Variants in CXCL16 observed in about 807,000 individuals in gnomAD.
CXCL16 encodes the protein C-X-C motif chemokine 16.
In CXCL16, 18 loss-of-function variants were observed where a neutral mutation model predicts 23.8. That is an observed-to-expected ratio of 0.76 (90% CI 0.52 to 1.12). The LOEUF (loss-of-function observed/expected upper bound fraction) is 1.12, where lower values mean the gene tolerates loss of function less well. CXCL16 is among the 50% of genes most tolerant of loss of function. CXCL16 has a pLI of 0.00. For missense variants in CXCL16, 297 were observed against 315.4 expected (o/e 0.94, Z 0.44); for synonymous variants, 123 against 132.5 (o/e 0.93, Z 0.49).
Position 4,739,762 on chromosome 17 carries a change from G to C in CXCL16, c.-423C>G. 9.4e-7 allele frequency: 1 copy of C among 1,062,254 alleles called. No homozygotes were observed. The highest frequency in any genetic ancestry group is 1.1e-6 in the Non-Finnish European group (1 of 873,498). 65.8% of individuals were successfully genotyped at this position (1,062,254 alleles called of 1,614,324 possible). A position where few individuals can be genotyped will look rare whatever the true frequency, so the allele number is the denominator to read the frequency against. On this transcript the variant is annotated 5_prime_UTR_variant, in exon 1 of 6. Coordinates refer to ENST00000293778, the MANE Select transcript of CXCL16 (RefSeq NM_001386809.1). The surrounding 1 kb of genome is among the most constrained non-coding windows in gnomAD (Gnocchi z 5.3). ...TGGCCCGTCCGCCGACCTGTGAGGC[G>C]GCTGCACTGCCGGACCGGCCCTCCT...
chr17:4,739,101 C>T lies in CXCL16; in HGVS notation c.79+160G>A. 1.7e-6 allele frequency: 2 copies of T among 1,183,438 alleles called. No individual in the cohort carries two copies. The highest frequency in any genetic ancestry group is 2.4e-6 in the Non-Finnish European group (2 of 850,506). 73.3% of individuals were successfully genotyped at this position (1,183,438 alleles called of 1,614,324 possible). A position where few individuals can be genotyped will look rare whatever the true frequency, so the allele number is the denominator to read the frequency against. ...ATCCATAATCCCGCCCGGAGCCAGG[C>T]GTCCCCGGGCCTCTGTCCCCAACCC... On this transcript the variant is annotated intron_variant, in intron 1 of 5. Transcript: ENST00000293778. The surrounding 1 kb of genome is among the most constrained non-coding windows in gnomAD (Gnocchi z 5.3).
intron 3 of CXCL16, among the ~76,000 whole-genome samples, chr17:4,737,575 T>TAAAAAAAAAAAAAAA (rs55694753): frequency 2.4e-5 from 1 of 42,038 alleles, no homozygotes; most frequent in Non-Finnish European, 4.4e-5. Flanking sequence ...AAGACTCCAT[T>TAAAAAAAAAAAAAAA]AAAAAAAAAA....
Position 4,739,018 on chromosome 17 carries a change from G to T in CXCL16, c.80-98C>A. Reference sequence around the variant, plus strand: ...ATCCACAGCCCCATGACAGCCTCTCGGTGGACCCAGGGTCAGAGCGCCAGG... The same window carrying T: ...ATCCACAGCCCCATGACAGCCTCTCTGTGGACCCAGGGTCAGAGCGCCAGG... On this transcript the variant is annotated intron_variant, in intron 1 of 5. Transcript: ENST00000293778. This position sits in a 1 kb window ranked among gnomAD's most constrained non-coding sequence, Gnocchi z 5.3. 6.9e-7 allele frequency: 1 copy of T among 1,442,204 alleles called. No homozygotes were observed. The highest frequency in any genetic ancestry group is 1.3e-5 in the South Asian group (1 of 77,074). The allele number at this position is 1,442,204 out of a possible 1,614,324, so 89.3% of individuals were successfully genotyped here.
Position 4,739,371 on chromosome 17 carries a change from G to A in CXCL16, c.-32C>T, listed in dbSNP as rs749252832. 6.2e-7 allele frequency: 1 copy of A among 1,612,670 alleles called. No individual in the cohort carries two copies. The highest frequency in any genetic ancestry group is 8.5e-7 in the Non-Finnish European group (1 of 1,179,810). The stretch of plus-strand genomic sequence containing the variant: ...GCTCCGCGGACTCTGCGGGGATGGA[G>A]CCACCTCGCTCTGACTCCCAGACAT... On this transcript the variant is annotated 5_prime_UTR_variant, in exon 1 of 6. Coordinates refer to ENST00000293778, the MANE Select transcript of CXCL16 (RefSeq NM_001386809.1). The surrounding 1 kb of genome is among the most constrained non-coding windows in gnomAD (Gnocchi z 5.3).
intron 4 of CXCL16, 41 bp downstream of exon 4, chr17:4,735,051 G>T (rs1208934765): frequency 1.3e-6 from 2 of 1,560,624 alleles, no homozygotes; most frequent in Non-Finnish European, 8.7e-7. Flanking sequence ...TGTCAGGAAG[G>T]CTCTGGGTCC....
In CXCL16 at chr17:4,739,806, T is replaced by G; in HGVS notation, c.-467A>C. ...CCCTCCTCCTCCGAGGCACTTTCAC[T>G]TCCCCGATCCGGGCGCCGCGGGACC... On this transcript the variant is annotated 5_prime_UTR_variant, in exon 1 of 6. Coordinates refer to ENST00000293778, the MANE Select transcript of CXCL16 (RefSeq NM_001386809.1). The surrounding 1 kb of genome is among the most constrained non-coding windows in gnomAD (Gnocchi z 5.3). The G allele has an allele frequency of 4.0e-6, 4 of 998,816 alleles. No individual in the cohort carries two copies. The highest frequency in any genetic ancestry group is 1.1e-4 in the East Asian group (1 of 9,282). The allele number at this position is 998,816 out of a possible 1,614,324, so 61.9% of individuals were successfully genotyped here. A position where few individuals can be genotyped will look rare whatever the true frequency, so the allele number is the denominator to read the frequency against.
Position 4,739,354 on chromosome 17 carries a change from G to A in CXCL16, c.-15C>T, listed in dbSNP as rs959060280. On this transcript the variant is annotated 5_prime_UTR_variant, in exon 1 of 6. Transcript: ENST00000293778. This position sits in a 1 kb window ranked among gnomAD's most constrained non-coding sequence, Gnocchi z 5.3. The stretch of plus-strand genomic sequence containing the variant: ...TCCCGTCCCATCTCGGGGCTCCGCG[G>A]ACTCTGCGGGGATGGAGCCACCTCG... 1.9e-6 allele frequency: 3 copies of A among 1,613,152 alleles called. No individual in the cohort carries two copies. The highest frequency in any genetic ancestry group is 2.5e-6 in the Non-Finnish European group (3 of 1,179,806).
intron 4 of CXCL16, 81 bp from the exon 5 acceptor site, chr17:4,734,733 C>CA: frequency 1.7e-6 from 2 of 1,165,600 alleles, no homozygotes; most frequent in Non-Finnish European, 2.6e-6. Context: ...ACTAGGGAAT[C>CA]AGATGAAGAC....
rs1916098305 is a variant in CXCL16, at chr17:4,734,648, C to A, written c.723G>T (p.Leu241=). ...GTGCCACAGGTATATAATGAACCGGCAGATCTGGAAAGGATAAAGAAATTG... is the reference window on the plus strand; with the variant it reads ...GTGCCACAGGTATATAATGAACCGGAAGATCTGGAAAGGATAAAGAAATTG... ...RGQSPQSSPD[L]PVHYIPVAPD... The change falls in exon 5 of 6, where the codon CTG becomes CTT. Residue 241 remains leucine, a synonymous_variant. Coordinates refer to ENST00000293778, the MANE Select transcript of CXCL16 (RefSeq NM_001386809.1). The A allele has an allele frequency of 6.2e-7, 1 of 1,611,216 alleles. No homozygotes were observed. Among genetic ancestry groups the A allele is most frequent in the African/African-American group, 1.3e-5 (1 of 74,880 alleles).
rs1916238198 is a variant in CXCL16, at chr17:4,738,680, G to T, written c.218+102C>A. On this transcript the variant is annotated intron_variant, in intron 2 of 5. Transcript: ENST00000293778. The surrounding 1 kb of genome is among the most constrained non-coding windows in gnomAD (Gnocchi z 4.0). ...CAAACGGAACCCGGAGATGGGGCTC[G>T]GTGAGCCGGGAAGGAGTTCAGGCTG... 1 of 1,283,046 alleles carries T rather than the reference G, an allele frequency of 7.8e-7. No individual in the cohort carries two copies. Among genetic ancestry groups the T allele is most frequent in the Non-Finnish European group, 1.1e-6 (1 of 921,256 alleles). The allele number at this position is 1,283,046 out of a possible 1,614,324, so 79.5% of individuals were successfully genotyped here.
Position 4,739,519 on chromosome 17 carries a change from G to A in CXCL16, c.-180C>T, listed in dbSNP as rs752370. 5.0e-5 allele frequency: 45 copies of A among 907,556 alleles called. No individual in the cohort carries two copies. The African/African-American group carries it at 5.6e-4, about 11-fold the overall frequency. 56.2% of individuals were successfully genotyped at this position (907,556 alleles called of 1,614,324 possible). ...CGGCCCTGCTGTGCCCCGACCGTGC[G>A]CTCAGTACTCGGCCCGCGCCATGCC... On this transcript the variant is annotated 5_prime_UTR_variant, in exon 1 of 6. Coordinates refer to ENST00000293778, the MANE Select transcript of CXCL16 (RefSeq NM_001386809.1). This position sits in a 1 kb window ranked among gnomAD's most constrained non-coding sequence, Gnocchi z 5.3.
intron 4 of CXCL16, 81 bp from the exon 5 acceptor site, chr17:4,734,733 C>T (rs1042546014): frequency 1.7e-6 from 2 of 1,165,600 alleles, no homozygotes. Flanking sequence ...ACTAGGGAAT[C>T]AGATGAAGAC....
chr17:4,734,689 G>A, intron 4 of CXCL16, 37 bp from the exon 5 acceptor site: 2 of 1,553,026 alleles, frequency 1.3e-6, no homozygotes. Context: ...TGAGCTCTGA[G>A]ATCAAGGACA....
chr17:4,738,854 G>A lies in CXCL16; in HGVS notation c.146C>T (p.Pro49Leu), dbSNP rs751933293. Residue 49 changes from proline (P) to leucine (L), a missense_variant, in exon 2 of 6, where the codon CCG becomes CTG. By Grantham distance (98) the Pro-to-Leu change is moderately conservative. Coordinates refer to ENST00000293778, the MANE Select transcript of CXCL16 (RefSeq NM_001386809.1). The surrounding 1 kb of genome is among the most constrained non-coding windows in gnomAD (Gnocchi z 4.0). ...YCGKRISSDS[P>L]PSVQFMNRLR... ...ACGATTCATGAACTGAACCGATGGC[G>A]GGGAGTCGGAAGAAATTCTTTTACC... The A allele has an allele frequency of 4.3e-6, 7 of 1,614,124 alleles. No homozygotes were observed. The Admixed American group carries it at 1.0e-4, about 23-fold the overall frequency.
At position 4,739,668 on chromosome 17, in the gene CXCL16, C is replaced by T; in HGVS notation, c.-329G>A. 1 of 707,146 alleles carries T rather than the reference C, an allele frequency of 1.4e-6. No homozygotes were observed. The highest frequency in any genetic ancestry group is 2.1e-6 in the Non-Finnish European group (1 of 479,446). The allele number at this position is 707,146 out of a possible 1,614,324, so 43.8% of individuals were successfully genotyped here. ...AGAAACCGAAAGAAAACTCCGGCGGCGGGCGAGGAGGGGCGGGAGGACGAC... is the reference window on the plus strand; with the variant it reads ...AGAAACCGAAAGAAAACTCCGGCGGTGGGCGAGGAGGGGCGGGAGGACGAC... On this transcript the variant is annotated 5_prime_UTR_variant, in exon 1 of 6. Transcript: ENST00000293778. The surrounding 1 kb of genome is among the most constrained non-coding windows in gnomAD (Gnocchi z 5.3).
In CXCL16 at chr17:4,737,574, TTAAAAAAAAAA is replaced by T. The variant is rs1273067374; in HGVS notation, c.301+823_301+833del. 5.4e-3 allele frequency among the ~76,000 whole-genome samples: 170 copies of T among 31,500 alleles called. 4 individuals are homozygous for T. Among genetic ancestry groups the T allele is most frequent in the Admixed American group, 9.3e-3 (19 of 2,036 alleles). The allele number at this position is 31,500 out of a possible 152,430, so 20.7% of individuals were successfully genotyped here. On this transcript the variant is annotated intron_variant, in intron 3 of 5. Transcript: ENST00000293778. The stretch of plus-strand genomic sequence containing the variant: ...GCCTGGGCGACAGAGCAAGACTCCA[TTAAAAAAAAAA>T]AAAAAAAAAAAAAAGAAATGCATCA...
At position 4,734,440 on chromosome 17, in the gene CXCL16, CAG is replaced by C. The variant is rs1916089046; in HGVS notation, c.*61_*62del. On this transcript the variant is annotated 3_prime_UTR_variant, in exon 6 of 6. Coordinates refer to ENST00000293778, the MANE Select transcript of CXCL16 (RefSeq NM_001386809.1). ...GCCAAGGTGGGAGGATCACTTGACT[CAG>C]GAGTTCCATAACAGCCTGGGCAACA... is the stretch of plus-strand genomic sequence containing the variant. 2.2e-4 allele frequency: 119 copies of C among 544,372 alleles called. No homozygotes were observed. In the South Asian group the frequency reaches 2.2e-3, roughly 10 times the overall value. 33.7% of individuals were successfully genotyped at this position (544,372 alleles called of 1,614,324 possible). A position where few individuals can be genotyped will look rare whatever the true frequency, so the allele number is the denominator to read the frequency against.
At position 4,738,952 on chromosome 17, in the gene CXCL16, C is replaced by T; in HGVS notation, c.80-32G>A. On this transcript the variant is annotated intron_variant, in intron 1 of 5. Coordinates refer to ENST00000293778, the MANE Select transcript of CXCL16 (RefSeq NM_001386809.1). This position sits in a 1 kb window ranked among gnomAD's most constrained non-coding sequence, Gnocchi z 4.0. ...GGGACGGAGGTGGTCGGCACCCATT[C>T]CCAGGCCCAGGGTCCCCACTCCGCT... is the stretch of plus-strand genomic sequence containing the variant. 6.2e-7 allele frequency: 1 copy of T among 1,608,044 alleles called. No individual in the cohort carries two copies. Among genetic ancestry groups the T allele is most frequent in the Non-Finnish European group, 8.5e-7 (1 of 1,176,818 alleles).
rs1448726305 is a variant in CXCL16, at chr17:4,739,696, C to A, written c.-357G>T. 4 of 833,558 alleles carry A rather than the reference C, an allele frequency of 4.8e-6. No homozygotes were observed. Among genetic ancestry groups the A allele is most frequent in the Non-Finnish European group, 6.6e-6 (4 of 608,352 alleles). 51.6% of individuals were successfully genotyped at this position (833,558 alleles called of 1,614,324 possible). On this transcript the variant is annotated 5_prime_UTR_variant, in exon 1 of 6. Transcript: ENST00000293778. This position sits in a 1 kb window ranked among gnomAD's most constrained non-coding sequence, Gnocchi z 5.3. ...GCGAGGAGGGGCGGGAGGACGACGG[C>A]CCGAGGAGCCGATTCGGTTCGGTTC...
Sources: allele counts gnomAD v4.1 joint callset (sites outside exome capture counted in the v4.1 genomes callset), GRCh38; gene constraint gnomAD v4.1.1; non-coding constraint Gnocchi (gnomAD v3.1); transcripts MANE v1.5; gene names NCBI Gene and HGNC (gene_info 2026-07-23, HGNC 2026-07-21).